The following RBFOX1 variants were observed in gnomAD, a reference collection of about 807,000 sequenced individuals.
RBFOX1 encodes the protein RNA binding fox-1 homolog 1, also known as RNA binding protein fox-1 homolog 1.
RBFOX1 carries 8 observed loss-of-function variants against 57.7 expected under a neutral mutation model. The observed-to-expected ratio is 0.14, with a 90% CI of 0.08 to 0.25. The LOEUF is 0.25. Among genes scored for constraint, RBFOX1 ranks in the 10% least tolerant of loss-of-function variants. RBFOX1 has a pLI of 1.00. For synonymous variants in RBFOX1, 326 were observed against 222.4 expected, an observed-to-expected ratio of 1.47 and a Z score of -4.15; for missense variants, 611 against 548.5, an observed-to-expected ratio of 1.11 and a Z score of -1.14.
intron 1 of RBFOX1, chr16:6,037,263 C>A (rs902917672): frequency 1.3e-5 from 2 of 152,110 alleles, no homozygotes; most frequent in African/African-American, 2.4e-5. Context: ...AATTGAGTCC[C>A]GCTTAACAAC....
intron 3 of RBFOX1, among the ~76,000 whole-genome samples, chr16:6,682,494 G>C (rs775939536): frequency 7.2e-5 from 11 of 152,304 alleles, no homozygotes; most frequent in African/African-American, 1.7e-4. Context: ...TAATGGTTTT[G>C]TGGTGATGTA....
chr16:5,651,040 C>CTTTTTTTTTT (rs869240597), intron 3 of RBFOX1, among the ~76,000 whole-genome samples: 1,566 of 56,894 alleles, frequency 0.028, 477 homozygotes, highest in East Asian at 0.093. Context: ...CTACCTCCTT[C>CTTTTTTTTTT]TTTTTTTTTT....
intron 2 of RBFOX1, among the ~76,000 whole-genome samples, chr16:6,427,087 G>C (rs149267900): frequency 6.6e-6 from 1 of 152,302 alleles, no homozygotes; most frequent in African/African-American, 2.4e-5. Context: ...GGGTTGATAT[G>C]CTGTAGAGTG....
intron 3 of RBFOX1, among the ~76,000 whole-genome samples, chr16:6,986,237 G>A (rs1481743385): frequency 6.9e-6 from 1 of 144,676 alleles, no homozygotes; most frequent in East Asian, 1.9e-4. Flanking sequence ...GTCTTGGTCT[G>A]TCACCCAGGC....
At chr16:6,153,430 T>C (rs1251531284) in intron 1 of RBFOX1, among the ~76,000 whole-genome samples, 1 of 152,210 alleles carries the variant, frequency 6.6e-6, no homozygotes, top group Non-Finnish European at 1.5e-5. Context: ...TACCCTTTCA[T>C]TTTTTTACAT....
intron 2 of RBFOX1, among the ~76,000 whole-genome samples, chr16:6,575,413 C>G (rs1054062110): frequency 6.6e-6 from 1 of 152,082 alleles, no homozygotes; most frequent in East Asian, 1.9e-4. Context: ...AACAGAATAC[C>G]TTTTACCATG....
chr16:5,971,503 T>G (rs1405179727), intron 4 of RBFOX1, among the ~76,000 whole-genome samples: 2 of 152,246 alleles, frequency 1.3e-5, no homozygotes, highest in African/African-American at 2.4e-5. Flanking sequence ...ATTTTATTTT[T>G]ATGATACAGA....
At chr16:5,568,389 C>T (rs2046147169) in intron 2 of RBFOX1, among the ~76,000 whole-genome samples, 1 of 152,194 alleles carries the variant, frequency 6.6e-6, no homozygotes, top group African/African-American at 2.4e-5. Flanking sequence ...GATGGGATGT[C>T]TATAATTGGA....
chr16:5,365,810 G>A, intron 1 of RBFOX1: 1 of 516,272 alleles, frequency 1.9e-6, no homozygotes, highest in South Asian at 1.4e-5. Context: ...AAGATTCAGT[G>A]GACATGGACA....
At position 6,628,027 on chromosome 16, in the gene RBFOX1, C is replaced by T. The variant is rs945997348; in HGVS notation, c.-63-26576C>T. Among the ~76,000 whole-genome samples, 14 of 152,204 alleles carry T rather than the reference C, an allele frequency of 9.2e-5. 1 individual carries two copies. Among genetic ancestry groups the T allele is most frequent in the Admixed American group, 8.5e-4 (13 of 15,284 alleles). On this transcript the variant is annotated intron_variant, in intron 2 of 15. Transcript: ENST00000550418. ...CAGCAGAGCAATGTCTCCAAGTGTG[C>T]AAAGGACATCTCTGGGTCACTGAGC...
At chr16:6,689,181 T>G (rs2154130833) in intron 3 of RBFOX1, among the ~76,000 whole-genome samples, 1 of 152,290 alleles carries the variant, frequency 6.6e-6, no homozygotes, top group South Asian at 2.1e-4. Context: ...TCAAATGTTA[T>G]TTCTTGTTAG....
chr16:6,819,316 G>GCTTCTCCTTC (rs2090799603), intron 3 of RBFOX1, among the ~76,000 whole-genome samples: 1 of 152,168 alleles, frequency 6.6e-6, no homozygotes, highest in East Asian at 1.9e-4. Context: ...ACTTAGGTTT[G>GCTTCTCCTTC]AATTATTGCT....
At chr16:5,356,730 T>C (rs1218815142) in intron 1 of RBFOX1, among the ~76,000 whole-genome samples, 7 of 152,248 alleles carry the variant, frequency 4.6e-5, no homozygotes, top group Non-Finnish European at 1.0e-4. Flanking sequence ...TCAAAGATTG[T>C]GGCCTAGAAT....
intron 1 of RBFOX1, among the ~76,000 whole-genome samples, chr16:6,165,367 C>T (rs2096909631): frequency 6.6e-6 from 1 of 152,238 alleles, no homozygotes; most frequent in African/African-American, 2.4e-5. Flanking sequence ...AAGAAACAAT[C>T]GTGCAGTCCT....
intron 3 of RBFOX1, among the ~76,000 whole-genome samples, chr16:5,613,277 T>C (rs1367451050): frequency 6.6e-6 from 1 of 152,204 alleles, no homozygotes; most frequent in East Asian, 1.9e-4. Flanking sequence ...AACACACATA[T>C]GCCTGCAGTA....
At position 7,228,612 on chromosome 16, in the gene RBFOX1, C is replaced by G. The variant is rs186933259; in HGVS notation, c.27+176514C>G. Among the ~76,000 whole-genome samples the G allele has an allele frequency of 2.2e-4, 34 of 152,282 alleles. 1 individual carries two copies. Among genetic ancestry groups the G allele is most frequent in the East Asian group, 5.8e-4 (3 of 5,182 alleles). On this transcript the variant is annotated intron_variant, in intron 4 of 15. Coordinates refer to ENST00000550418, the MANE Select transcript of RBFOX1 (RefSeq NM_018723.4). ...GCCGTAAGGGAGTAGAGACCTGATT[C>G]AAATCTTGGGCTAGAAGGATTCTCA... is the stretch of plus-strand genomic sequence containing the variant.
intron 5 of RBFOX1, among the ~76,000 whole-genome samples, chr16:7,523,982 C>T (rs1342555788): frequency 6.6e-6 from 1 of 152,180 alleles, no homozygotes; most frequent in Non-Finnish European, 1.5e-5. Flanking sequence ...TGGTTCTCCC[C>T]ACCCTATATC....
chr16:7,131,915 A>C (rs1174789442), intron 4 of RBFOX1, among the ~76,000 whole-genome samples: 1 of 152,080 alleles, frequency 6.6e-6, no homozygotes, highest in East Asian at 1.9e-4. Context: ...TATCTTAAAG[A>C]AGTGGTTCTT....
At chr16:6,870,326 G>A (rs2060650784) in intron 3 of RBFOX1, among the ~76,000 whole-genome samples, 2 of 152,140 alleles carry the variant, frequency 1.3e-5, no homozygotes, top group Admixed American at 1.3e-4. Context: ...ATTCAGCACT[G>A]CTAGGAAACA....
Sources: gnomAD v4.1 joint callset for allele counts (sites outside exome capture counted in the v4.1 genomes callset) on GRCh38, gnomAD v4.1.1 for gene constraint, MANE v1.5 for transcripts, NCBI Gene and HGNC (gene_info 2026-07-23, HGNC 2026-07-21) for gene names.